SYTL2: variants seen among roughly 807,000 people sequenced by gnomAD.
SYTL2 encodes synaptotagmin like 2.
In SYTL2, 165 loss-of-function variants were observed where a neutral mutation model predicts 198.7. That is an observed-to-expected ratio of 0.83 (90% CI 0.73 to 0.94). SYTL2 has a LOEUF of 0.94. Ranked by LOEUF, SYTL2 falls within the 40% of genes least tolerant of loss-of-function variation. The probability of loss-of-function intolerance (pLI) is 0.00; values close to 1 mark genes in which losing one functional copy is unlikely to be tolerated. For missense variants in SYTL2, 2,835 were observed against 2,582.8 expected (o/e 1.10, Z -2.12); for synonymous variants, 966 against 917.7 (o/e 1.05, Z -0.95).
the SYTL2 span, among the ~76,000 whole-genome samples, chr11:85,816,406 A>C: frequency 6.6e-6 from 1 of 152,194 alleles, no homozygotes; most frequent in South Asian, 2.1e-4. Context: ...GAGGACCTCC[A>C]CTTATATGAG....
rs1255834411 is a variant in SYTL2, at chr11:85,727,819, C to T, written c.1539G>A (p.Lys513=). ...CTTTAAATATGGAATCATCAGTTGA[C>T]TTCTTTATCTCAGTGGCATATGGAC... The part of the protein sequence containing the change: ...RSGPYATEIK[K]STDDSIFKVL... The change falls in exon 8 of 20, where the codon AAG becomes AAA. Residue 513 remains lysine (K), a synonymous_variant. Coordinates refer to ENST00000359152, the MANE Select transcript of SYTL2 (RefSeq NM_206927.4). 3 of 1,608,882 alleles carry T rather than the reference C, an allele frequency of 1.9e-6. No individual in the cohort carries two copies. The highest frequency in any genetic ancestry group is 1.7e-5 in the Admixed American group (1 of 59,144).
the SYTL2 span, among the ~76,000 whole-genome samples, chr11:85,844,934 C>T: frequency 1.2e-4 from 19 of 152,186 alleles, no homozygotes; most frequent in Non-Finnish European, 2.6e-4. Flanking sequence ...TCTCCTATCC[C>T]TGGGAGCCTA....
intron 1 of SYTL2, among the ~76,000 whole-genome samples, chr11:85,763,019 C>G (rs1047255299): frequency 6.6e-6 from 1 of 152,118 alleles, no homozygotes; most frequent in Non-Finnish European, 1.5e-5. Flanking sequence ...ATGAACATAG[C>G]TCTAGGGCCC....
At chr11:85,771,662 G>T (rs946211150) in intron 1 of SYTL2, among the ~76,000 whole-genome samples, 1 of 152,060 alleles carries the variant, frequency 6.6e-6, no homozygotes, top group African/African-American at 2.4e-5. Context: ...AGTCTAGTTG[G>T]CAGTGTCATG....
At chr11:85,710,388 A>T (rs901609418) in intron 13 of SYTL2, among the ~76,000 whole-genome samples, 7 of 152,200 alleles carry the variant, frequency 4.6e-5, no homozygotes, top group Admixed American at 2.6e-4. Context: ...ATAGGTTTTT[A>T]AAAAAGGTTT....
chr11:85,801,699 G>C (rs959726567), intron 1 of SYTL2, among the ~76,000 whole-genome samples: 5 of 152,116 alleles, frequency 3.3e-5, no homozygotes, highest in African/African-American at 1.2e-4. Context: ...CAGCCTCCAA[G>C]ATAAAGGGTC....
chr11:85,852,834 C>A, the SYTL2 span: 1 of 226,694 alleles, frequency 4.4e-6, no homozygotes, highest in Non-Finnish European at 8.9e-6. Context: ...CCTGGCCGCC[C>A]ATCGTCTGGG....
intron 4 of SYTL2, among the ~76,000 whole-genome samples, chr11:85,743,531 C>T (rs181260027): frequency 6.6e-6 from 1 of 152,270 alleles, no homozygotes. Context: ...ATTCTCATAC[C>T]TTGTTTCATT....
At chr11:85,787,748 A>C (rs1204023718) in intron 1 of SYTL2, among the ~76,000 whole-genome samples, 3 of 123,948 alleles carry the variant, frequency 2.4e-5, no homozygotes, top group Non-Finnish European at 4.8e-5. Flanking sequence ...GTATATTCAT[A>C]CCCAAGGCAG....
At chr11:85,706,098 C>G (rs758666398) in intron 15 of SYTL2, among the ~76,000 whole-genome samples, 2 of 152,182 alleles carry the variant, frequency 1.3e-5, no homozygotes, top group African/African-American at 2.4e-5. Context: ...AGTATACTTT[C>G]TATTCATCTG....
chr11:85,834,205 G>T, the SYTL2 span, among the ~76,000 whole-genome samples: 2 of 152,028 alleles, frequency 1.3e-5, no homozygotes, highest in Non-Finnish European at 2.9e-5. Context: ...AAATAAGACA[G>T]ATTGAAAAAG....
chr11:85,695,373 A>C, intron 19 of SYTL2, 33 bp from the exon 20 acceptor site: 1 of 1,529,880 alleles, frequency 6.5e-7, no homozygotes, highest in Non-Finnish European at 8.8e-7. Flanking sequence ...TTAGAAAGAA[A>C]CAGCTCATTG....
chr11:85,787,685 G>GT (rs886588615), intron 1 of SYTL2, among the ~76,000 whole-genome samples: 60 of 96,214 alleles, frequency 6.2e-4, no homozygotes, highest in South Asian at 4.5e-3. Context: ...TCTTTTTTCT[G>GT]TTTTTTTTTC....
intron 1 of SYTL2, among the ~76,000 whole-genome samples, chr11:85,771,248 G>C (rs755146106): frequency 6.6e-6 from 1 of 152,108 alleles, no homozygotes. Context: ...TTCACCTTTA[G>C]ACACTTCAGA....
At chr11:85,696,570 C>A (rs2083442658) in intron 18 of SYTL2, 182 bp from the exon 19 acceptor site, 8 of 604,258 alleles carry the variant, frequency 1.3e-5, no homozygotes, top group Admixed American at 8.6e-5. Context: ...TGAAAAGACT[C>A]TGGACCTAGA....
chr11:85,743,327 G>A (rs998879960), intron 4 of SYTL2, among the ~76,000 whole-genome samples: 2 of 152,182 alleles, frequency 1.3e-5, no homozygotes, highest in African/African-American at 4.8e-5. Context: ...GTAAAAAATA[G>A]CTCATTCTAA....
Position 85,726,709 on chromosome 11 carries a change from T to G in SYTL2, c.2649A>C (p.Gln883His). Residue 883 changes from glutamine (Q) to histidine (H), a missense_variant, in exon 8 of 20, where the codon CAA (glutamine) becomes CAC (histidine). Physicochemically the swap from Gln to His is conservative, Grantham distance 24 (BLOSUM62 0). Around this residue, in one of 3 missense-constraint regions of SYTL2, gnomAD observed 2,645 missense variants for 2,381.7 expected, o/e 1.11. Transcript: ENST00000359152. The part of the protein sequence containing the change: ...SSNKSKETKP[Q>H]IAGPSRYYLS... The stretch of plus-strand genomic sequence containing the variant: ...GATAGTATCTGGATGGACCTGCTAT[T>G]TGTGGCTTGGTCTCTTTAGATTTAT... 3.3e-6 allele frequency: 5 copies of G among 1,536,182 alleles called. No homozygotes were observed. The highest frequency in any genetic ancestry group is 4.4e-6 in the Non-Finnish European group (5 of 1,146,900).
chr11:85,699,789 G>A (rs1449291102), intron 17 of SYTL2, among the ~76,000 whole-genome samples: 1 of 152,162 alleles, frequency 6.6e-6, no homozygotes, highest in Non-Finnish European at 1.5e-5. Context: ...GAGCTGGCTG[G>A]CATTCATTTC....
intron 16 of SYTL2, among the ~76,000 whole-genome samples, chr11:85,703,111 T>C (rs1209134240): frequency 1.3e-5 from 2 of 152,042 alleles, no homozygotes; most frequent in Admixed American, 6.6e-5. Context: ...AAAAAAAGTA[T>C]ACAGAAAAGA....
Sources: allele counts gnomAD v4.1 joint callset (sites outside exome capture counted in the v4.1 genomes callset), GRCh38; gene constraint gnomAD v4.1.1; regional missense constraint gnomAD v4.1.1; transcripts MANE v1.5; gene names NCBI Gene and HGNC (gene_info 2026-07-23, HGNC 2026-07-21).